Variants in MARCHF4 observed in about 807,000 individuals in gnomAD.
MARCHF4 encodes the protein E3 ubiquitin-protein ligase MARCHF4.
Under a neutral mutation model 43.9 loss-of-function variants are expected in MARCHF4, and 14 were observed. That is an observed-to-expected ratio of 0.32 (90% CI 0.21 to 0.50). The LOEUF is 0.50. Ranked by LOEUF, MARCHF4 falls within the 20% of genes least tolerant of loss-of-function variation. The pLI is 0.98. For synonymous variants in MARCHF4, 226 were observed against 213.3 expected (o/e 1.06, Z -0.52); for missense variants, 468 against 536.7 (o/e 0.87, Z 1.27).
intron 1 of MARCHF4, among the ~76,000 whole-genome samples, chr2:216,307,082 T>C (rs188208290): frequency 3.6e-4 from 55 of 152,096 alleles, no homozygotes; most frequent in African/African-American, 1.2e-3. Flanking sequence ...CACGACTTCC[T>C]CTCTCCTCCC....
At chr2:216,280,930 C>A (rs906204972) in intron 2 of MARCHF4, among the ~76,000 whole-genome samples, 1 of 151,930 alleles carries the variant, frequency 6.6e-6, no homozygotes, top group Admixed American at 6.6e-5. Context: ...AGCCATGAAA[C>A]CTTTAGACTC....
At chr2:216,316,413 A>G (rs1691777059) in intron 1 of MARCHF4, among the ~76,000 whole-genome samples, 1 of 152,154 alleles carries the variant, frequency 6.6e-6, no homozygotes, top group Non-Finnish European at 1.5e-5. Flanking sequence ...ATTGCTGAGG[A>G]CTGCAAAATC....
intron 3 of MARCHF4, among the ~76,000 whole-genome samples, chr2:216,260,195 G>T (rs1690718298): frequency 6.6e-6 from 1 of 152,224 alleles, no homozygotes; most frequent in African/African-American, 2.4e-5. Flanking sequence ...TCTGCCAGAG[G>T]CAGTGATAGA....
chr2:216,314,193 T>C (rs1465229788), intron 1 of MARCHF4, among the ~76,000 whole-genome samples: 2 of 152,250 alleles, frequency 1.3e-5, no homozygotes, highest in East Asian at 3.8e-4. Flanking sequence ...CAAATGTCTT[T>C]TGTACATCTA....
intron 1 of MARCHF4, among the ~76,000 whole-genome samples, chr2:216,363,913 G>A (rs1692627128): frequency 6.6e-6 from 1 of 152,146 alleles, no homozygotes; most frequent in Non-Finnish European, 1.5e-5. Flanking sequence ...AATTGGAGAG[G>A]CTGAGGGGAT....
rs1487527631 is a variant in MARCHF4, at chr2:216,258,292, C to G, written c.*1020G>C. ...GCTCCTCCCAACCACTGCAGCTGCT[C>G]TCTTGGAAGCCCGTAGGTCAGGGGT... On this transcript the variant is annotated 3_prime_UTR_variant, in exon 4 of 4. Coordinates refer to ENST00000273067, the MANE Select transcript of MARCHF4 (RefSeq NM_020814.3). 6.6e-6 allele frequency: 1 copy of G among 152,610 alleles called. No homozygotes were observed. Among genetic ancestry groups the G allele is most frequent in the Non-Finnish European group, 1.5e-5 (1 of 68,402 alleles). The allele number at this position is 152,610 out of a possible 1,614,324, so 9.5% of individuals were successfully genotyped here.
intron 1 of MARCHF4, among the ~76,000 whole-genome samples, chr2:216,312,306 A>G (rs1488990866): frequency 3.9e-5 from 6 of 152,170 alleles, no homozygotes; most frequent in African/African-American, 1.2e-4. Flanking sequence ...TTTTATGTCT[A>G]TGTAATATTC....
intron 1 of MARCHF4, among the ~76,000 whole-genome samples, chr2:216,316,483 C>T (rs371180141): frequency 9.2e-5 from 14 of 152,114 alleles, no homozygotes; most frequent in Admixed American, 5.2e-4. Flanking sequence ...ATTTCTAGAA[C>T]GGGGTATTGC....
chr2:216,332,745 A>T (rs2105970263), intron 1 of MARCHF4, among the ~76,000 whole-genome samples: 1 of 152,330 alleles, frequency 6.6e-6, no homozygotes, highest in East Asian at 1.9e-4. Context: ...AAGCTGTCTG[A>T]ACTACCAGAT....
intron 3 of MARCHF4, among the ~76,000 whole-genome samples, chr2:216,262,167 G>A (rs1352754260): frequency 6.6e-6 from 1 of 152,206 alleles, no homozygotes; most frequent in Non-Finnish European, 1.5e-5. Context: ...GGAGAAGGTG[G>A]GAAATAATTA....
At chr2:216,287,654 G>A (rs1415023533) in intron 1 of MARCHF4, among the ~76,000 whole-genome samples, 2 of 112,802 alleles carry the variant, frequency 1.8e-5, no homozygotes, top group African/African-American at 6.7e-5. Context: ...GGGGGGAGGG[G>A]GGAGGGATAG....
chr2:216,324,781 C>T (rs527551674), intron 1 of MARCHF4, among the ~76,000 whole-genome samples: 1 of 115,598 alleles, frequency 8.7e-6, no homozygotes, highest in Non-Finnish European at 1.7e-5. Flanking sequence ...ATGCTAAAAA[C>T]TCTCAATAAA....
chr2:216,326,896 A>G (rs4672794), intron 1 of MARCHF4, among the ~76,000 whole-genome samples: 87,294 of 151,430 alleles, frequency 0.58, 26,388 homozygotes, highest in East Asian at 0.77. Context: ...CACCAGCATG[A>G]CACATGTATA....
chr2:216,315,220 T>C (rs1006028762), intron 1 of MARCHF4, among the ~76,000 whole-genome samples: 18 of 152,204 alleles, frequency 1.2e-4, no homozygotes, highest in Non-Finnish European at 4.4e-5. Context: ...AGAACAATAA[T>C]GACATGCTAT....
chr2:216,364,066 G>A (rs1048928102), intron 1 of MARCHF4, among the ~76,000 whole-genome samples: 1 of 152,112 alleles, frequency 6.6e-6, no homozygotes, highest in Non-Finnish European at 1.5e-5. Context: ...TAGCCTATAA[G>A]ATCTTGGGAC....
intron 1 of MARCHF4, among the ~76,000 whole-genome samples, chr2:216,345,530 G>A (rs1692306407): frequency 6.6e-6 from 1 of 152,012 alleles, no homozygotes; most frequent in South Asian, 2.1e-4. Context: ...TTGCAACCCT[G>A]TCTGCACATT....
chr2:216,325,369 T>C (rs1285814182), intron 1 of MARCHF4, among the ~76,000 whole-genome samples: 1 of 152,186 alleles, frequency 6.6e-6, no homozygotes, highest in South Asian at 2.1e-4. Context: ...AGAATCAATA[T>C]TGTGAAAATG....
chr2:216,344,401 T>C (rs1294911847), intron 1 of MARCHF4, among the ~76,000 whole-genome samples: 2 of 152,208 alleles, frequency 1.3e-5, no homozygotes, highest in Non-Finnish European at 2.9e-5. Flanking sequence ...ATTGATTTCA[T>C]GACTCACAAA....
intron 1 of MARCHF4, among the ~76,000 whole-genome samples, chr2:216,348,028 C>T (rs1401615441): frequency 1.4e-5 from 2 of 138,256 alleles, no homozygotes; most frequent in East Asian, 4.4e-4. Flanking sequence ...GAGGTTAAGG[C>T]ATTCTTTTTT....
Sources: gnomAD v4.1 joint callset for allele counts (sites outside exome capture counted in the v4.1 genomes callset) on GRCh38, gnomAD v4.1.1 for gene constraint, MANE v1.5 for transcripts, NCBI Gene and HGNC (gene_info 2026-07-23, HGNC 2026-07-21) for gene names.